GSN: variants seen among roughly 807,000 people sequenced by gnomAD.
GSN encodes gelsolin.
A neutral mutation model predicts 85.7 loss-of-function variants in GSN; 56 were observed. The observed-to-expected ratio is 0.65, with a 90% CI of 0.53 to 0.82. The LOEUF (loss-of-function observed/expected upper bound fraction) is 0.82, where lower values mean the gene tolerates loss of function less well. Ranked by LOEUF, GSN falls within the 40% of genes least tolerant of loss-of-function variation. The pLI is 0.00. For synonymous variants in GSN, 373 were observed against 399.1 expected (o/e 0.93, Z 0.78); for missense variants, 857 against 979.8 (o/e 0.87, Z 1.67).
At chr9:121,321,904 G>A (rs1483855955) in intron 11 of GSN, among the ~76,000 whole-genome samples, 1 of 151,940 alleles carries the variant, frequency 6.6e-6, no homozygotes, top group Non-Finnish European at 1.5e-5. Context: ...ACCATGCCTG[G>A]CTAATTTTTT....
chr9:121,282,418 C>A, intron 2 of GSN: 2 of 1,143,356 alleles, frequency 1.7e-6, no homozygotes, highest in Non-Finnish European at 2.3e-6. Flanking sequence ...CCAACCCACG[C>A]CATCCCTTTT....
At position 121,302,951 on chromosome 9, in the gene GSN, C is replaced by T; in HGVS notation, c.237C>T (p.Ile79=). 6.2e-7 allele frequency: 1 copy of T among 1,614,050 alleles called. No individual in the cohort carries two copies. The highest frequency in any genetic ancestry group is 2.2e-5 in the East Asian group (1 of 44,872). Residue 79 remains isoleucine (I), a synonymous_variant, in exon 4 of 18, where the codon ATC becomes ATT. Coordinates refer to ENST00000432226, the MANE Select transcript of GSN (RefSeq NM_198252.3). The part of the protein sequence containing the change: ...CSQDESGAAA[I]FTVQLDDYLN... ...AGGATGAGAGCGGGGCGGCCGCCAT[C>T]TTTACCGTGCAGCTGGATGACTACC... is the stretch of plus-strand genomic sequence containing the variant.
upstream of GSN, among the ~76,000 whole-genome samples, chr9:121,206,915 A>G (rs1293181421): frequency 6.6e-6 from 1 of 152,070 alleles, no homozygotes; most frequent in East Asian, 1.9e-4. Context: ...ACATCTTTCA[A>G]CTTTAGATTC....
intron 5 of GSN, among the ~76,000 whole-genome samples, chr9:121,234,043 C>T (rs1169825221): frequency 6.6e-6 from 1 of 152,114 alleles, no homozygotes; most frequent in Admixed American, 6.6e-5. Context: ...TTTTTTTATG[C>T]AATGCATGAC....
intron 4 of GSN, among the ~76,000 whole-genome samples, chr9:121,305,921 T>C (rs961574784): frequency 1.8e-4 from 27 of 152,220 alleles, no homozygotes; most frequent in African/African-American, 6.3e-4. Context: ...TGAAAGCCTC[T>C]TCCTCTGAGC....
intron 4 of GSN, among the ~76,000 whole-genome samples, chr9:121,214,525 A>G (rs1448765529): frequency 6.6e-6 from 1 of 152,238 alleles, no homozygotes; most frequent in Non-Finnish European, 1.5e-5. Context: ...TACAAAATAT[A>G]TTAATAATAA....
chr9:121,331,778 G>A, intron 17 of GSN: 1 of 254,450 alleles, frequency 3.9e-6, no homozygotes, highest in South Asian at 7.6e-5. Flanking sequence ...AGCAGGCCAG[G>A]CATGGTGACT....
chr9:121,219,656 A>G (rs2054131069), intron 4 of GSN, among the ~76,000 whole-genome samples: 1 of 152,156 alleles, frequency 6.6e-6, no homozygotes, highest in African/African-American at 2.4e-5. Flanking sequence ...ATGCTCATTA[A>G]CATAGTCAAT....
At chr9:121,327,560 G>C in intron 14 of GSN, 78 bp downstream of exon 14, 1 of 1,229,390 alleles carries the variant, frequency 8.1e-7, no homozygotes, top group Non-Finnish European at 1.1e-6. Context: ...CAGCTTGGGG[G>C]CTCTAAATCC....
intron 5 of GSN, chr9:121,239,955 G>A (rs2054570479): frequency 6.2e-6 from 1 of 160,120 alleles, no homozygotes; most frequent in Admixed American, 6.5e-5. Flanking sequence ...ATGTATGTAA[G>A]GCAAGGCTGG....
rs1297918731 is a variant in GSN, at chr9:121,324,599, CCT to C, written c.1372_1373del (p.Leu458AspfsTer6). The C allele has an allele frequency of 6.5e-7, 1 of 1,547,334 alleles. No homozygotes were observed. Among genetic ancestry groups the C allele is most frequent in the Non-Finnish European group, 8.7e-7 (1 of 1,144,902 alleles). ...TQDEVAASAI[L>X]TAQLDEELGG... ...AGGATGAGGTCGCTGCATCTGCCAT[CCT>C]GACTGCTCAGCTGGATGAGGAGCTG... On this transcript the variant is annotated frameshift_variant, in exon 12 of 18. Transcript: ENST00000432226. LOFTEE classifies it high-confidence loss of function.
intron 4 of GSN, among the ~76,000 whole-genome samples, chr9:121,220,178 C>T (rs970048605): frequency 1.3e-5 from 2 of 152,236 alleles, no homozygotes; most frequent in Non-Finnish European, 2.9e-5. Context: ...CCACTGCACC[C>T]GGCCCACACT....
chr9:121,316,414 C>T (rs1267610066), intron 7 of GSN, among the ~76,000 whole-genome samples: 1 of 152,168 alleles, frequency 6.6e-6, no homozygotes, highest in Non-Finnish European at 1.5e-5. Flanking sequence ...GGTTCCAATC[C>T]AGGATACCAG....
intron 2 of GSN, among the ~76,000 whole-genome samples, chr9:121,296,438 G>A (rs2059225390): frequency 6.6e-6 from 1 of 152,198 alleles, no homozygotes; most frequent in Non-Finnish European, 1.5e-5. Flanking sequence ...CTGGCCGAAT[G>A]TACCCATTTT....
At position 121,326,561 on chromosome 9, in the gene GSN, G is replaced by A. The variant is rs754001558; in HGVS notation, c.1466G>A (p.Gly489Asp). 7 of 1,613,928 alleles carry A rather than the reference G, an allele frequency of 4.3e-6. No individual in the cohort carries two copies. The highest frequency in any genetic ancestry group is 2.7e-5 in the African/African-American group (2 of 74,932). The change falls in exon 13 of 18, where the codon GGT (glycine) becomes GAT (aspartate). Residue 489 changes from glycine (G) to aspartate (D), a missense_variant. Physicochemically the swap from Gly to Asp is moderately conservative, Grantham distance 94. Coordinates refer to ENST00000432226, the MANE Select transcript of GSN (RefSeq NM_198252.3). ...CCCGCCCACCTCATGAGCCTGTTTG[G>A]TGGGAAGCCCATGATCATCTACAAG... ...KEPAHLMSLFGGKPMIIYKGG... is the reference protein window; with the variant it reads ...KEPAHLMSLFDGKPMIIYKGG...
At chr9:121,324,731 G>A (rs1425315030) in intron 12 of GSN, 87 bp downstream of exon 12, 4 of 723,348 alleles carry the variant, frequency 5.5e-6, no homozygotes, top group Admixed American at 2.0e-5. Context: ...CCATCCATTC[G>A]TTTGTCCATC....
chr9:121,316,531 C>T (rs10985204), intron 7 of GSN, among the ~76,000 whole-genome samples: 5,898 of 152,088 alleles, frequency 0.039, 347 homozygotes, highest in Admixed American at 0.15. Context: ...AGTGTAGTGA[C>T]GCAATCATAG....
chr9:121,299,345 G>A lies in GSN; in HGVS notation c.-9-2618G>A. 1 of 983,148 alleles carries A rather than the reference G, an allele frequency of 1.0e-6. No homozygotes were observed. The highest frequency in any genetic ancestry group is 1.2e-6 in the Non-Finnish European group (1 of 827,914). 60.9% of individuals were successfully genotyped at this position (983,148 alleles called of 1,614,324 possible). A position where few individuals can be genotyped will look rare whatever the true frequency, so the allele number is the denominator to read the frequency against. The stretch of plus-strand genomic sequence containing the variant: ...TCTGCCCAGGCCCACTACGGCCTGA[G>A]TTCAAATCCCGGCAGCACCATTTAC... On this transcript the variant is annotated intron_variant, in intron 2 of 17. Transcript: ENST00000432226. The surrounding 1 kb of genome is among the most constrained non-coding windows in gnomAD (Gnocchi z 4.2).
intron 7 of GSN, 83 bp downstream of exon 7, chr9:121,314,106 T>A: frequency 1.8e-6 from 2 of 1,093,354 alleles, no homozygotes; most frequent in South Asian, 1.3e-5. Flanking sequence ...TCCACTGCTA[T>A]GGGACCTTGA....
Sources: gnomAD v4.1 joint callset for allele counts (sites outside exome capture counted in the v4.1 genomes callset) on GRCh38, gnomAD v4.1.1 for gene constraint, Gnocchi (gnomAD v3.1) non-coding constraint, MANE v1.5 for transcripts, NCBI Gene and HGNC (gene_info 2026-07-23, HGNC 2026-07-21) for gene names.